The following ZYG11B variants were observed in gnomAD, a reference collection of about 807,000 sequenced individuals.
ZYG11B encodes protein zyg-11 homolog B.
ZYG11B carries 36 observed loss-of-function variants against 82.4 expected under a neutral mutation model. The observed-to-expected ratio is 0.44, with a 90% CI of 0.33 to 0.58. The LOEUF (loss-of-function observed/expected upper bound fraction) is 0.58, where lower values mean the gene tolerates loss of function less well. ZYG11B is among the 20% of genes least tolerant of loss of function. The probability of loss-of-function intolerance (pLI) is 0.02; values close to 1 mark genes in which losing one functional copy is unlikely to be tolerated. For synonymous variants in ZYG11B, 303 were observed against 312.8 expected, an observed-to-expected ratio of 0.97 and a Z score of 0.33; for missense variants, 552 against 895.6, an observed-to-expected ratio of 0.62 and a Z score of 4.90.
rs774775340 is a variant in ZYG11B at position 52,803,191 on chromosome 1, CATAT to C, written c.1695+1062_1695+1065del. On this transcript the variant is annotated intron_variant, in intron 10 of 13. Transcript: ENST00000294353. ...ATACACACATATATATATATATACA[CATAT>C]ATATATATACACACACATATATATA... Among the ~76,000 whole-genome samples, 10 of 69,250 alleles carry C rather than the reference CATAT, an allele frequency of 1.4e-4. 1 individual carries two copies. Among genetic ancestry groups the C allele is most frequent in the African/African-American group, 4.1e-4 (4 of 9,726 alleles). 45.4% of individuals were successfully genotyped at this position (69,250 alleles called of 152,430 possible).
chr1:52,772,130 T>C (rs761845998), intron 3 of ZYG11B: 1 of 1,060,904 alleles, frequency 9.4e-7, no homozygotes, highest in Non-Finnish European at 1.5e-6. Context: ...TATGGTTTTT[T>C]TGTTTTTGTT....
intron 4 of ZYG11B, among the ~76,000 whole-genome samples, chr1:52,783,885 T>TGTACATACACGTGTGTGTGTAG (rs1644884327): frequency 8.7e-6 from 1 of 114,686 alleles, no homozygotes. Flanking sequence ...TGTGTGTATA[T>TGTACATACACGTGTGTGTGTAG]GTACATACAC....
chr1:52,772,419 G>A, intron 3 of ZYG11B: 16 of 1,558,996 alleles, frequency 1.0e-5, no homozygotes, highest in Non-Finnish European at 1.4e-5. Context: ...AAGTCCCTTA[G>A]ACTTAAGAAT....
chr1:52,741,529 C>T (rs944947287), intron 1 of ZYG11B, among the ~76,000 whole-genome samples: 1 of 152,106 alleles, frequency 6.6e-6, no homozygotes, highest in Admixed American at 6.5e-5. Context: ...GTCTTTTTCT[C>T]TAGAGGCAAA....
chr1:52,738,491 T>A lies in ZYG11B; in HGVS notation c.30+11808T>A, dbSNP rs770646694. 7.2e-5 allele frequency among the ~76,000 whole-genome samples: 11 copies of A among 152,180 alleles called. No individual in the cohort carries two copies. The South Asian group carries it at 8.3e-4, about 11-fold the overall frequency. ...CCACTACACCTGGCCTTAATAGCTTTATATAAAGATCTTTTGTTTTTTCTG... is the reference window on the plus strand; with the variant it reads ...CCACTACACCTGGCCTTAATAGCTTAATATAAAGATCTTTTGTTTTTTCTG... On this transcript the variant is annotated intron_variant, in intron 1 of 13. Transcript: ENST00000294353.
intron 6 of ZYG11B, among the ~76,000 whole-genome samples, chr1:52,795,769 T>C (rs1645001623): frequency 6.6e-6 from 1 of 152,196 alleles, no homozygotes; most frequent in African/African-American, 2.4e-5. Context: ...ATACTATATA[T>C]TTTACGTATT....
At chr1:52,726,823 GC>G in intron 1 of ZYG11B, 140 bp downstream of exon 1, 1 of 783,384 alleles carries the variant, frequency 1.3e-6, no homozygotes, top group Non-Finnish European at 1.8e-6. Flanking sequence ...CCTCGTTACC[GC>G]CCCCTCGGTG....
intron 3 of ZYG11B, among the ~76,000 whole-genome samples, chr1:52,779,552 G>A (rs780968158): frequency 3.9e-5 from 6 of 152,026 alleles, no homozygotes; most frequent in African/African-American, 2.4e-5. Flanking sequence ...GTGCAGTGGC[G>A]TGATCTCAGC....
chr1:52,806,919 A>G (rs1645145806), intron 10 of ZYG11B, among the ~76,000 whole-genome samples: 1 of 151,626 alleles, frequency 6.6e-6, no homozygotes. Flanking sequence ...CCCAGGCTAG[A>G]GTGCAGTGGT....
Position 52,726,480 on chromosome 1 carries a change from GC to G in ZYG11B, c.-173del. The G allele has an allele frequency of 1.9e-6, 1 of 539,672 alleles. No individual in the cohort carries two copies. The highest frequency in any genetic ancestry group is 2.8e-6 in the Non-Finnish European group (1 of 354,960). The allele number at this position is 539,672 out of a possible 1,614,324, so 33.4% of individuals were successfully genotyped here. ...AGTCTGCGCTCTGGTTCGGGCTGCG[GC>G]TGCGGCTGCGGCTGCGGCTGCTACT... On this transcript the variant is annotated 5_prime_UTR_variant, in exon 1 of 14. Transcript: ENST00000294353.
rs368904794 is a variant in ZYG11B at position 52,774,545 on chromosome 1, G to C, written c.951+2771G>C. 1.6e-3 allele frequency among the ~76,000 whole-genome samples: 235 copies of C among 148,036 alleles called. 2 individuals carry two copies. Among genetic ancestry groups the C allele is most frequent in the African/African-American group, 5.6e-3 (222 of 39,660 alleles). On this transcript the variant is annotated intron_variant, in intron 3 of 13. Coordinates refer to ENST00000294353, the MANE Select transcript of ZYG11B (RefSeq NM_024646.3). ...CTAGTCTTGAACTCCTGACCCAGGT[G>C]ATCTGCCTGCCTCGGCCTCCTAAAG...
At chr1:52,759,569 T>C (rs947439517) in intron 2 of ZYG11B, among the ~76,000 whole-genome samples, 26 of 152,188 alleles carry the variant, frequency 1.7e-4, no homozygotes, top group Admixed American at 1.7e-3. Flanking sequence ...GAAAAATAAC[T>C]TGTTGTCCCT....
Position 52,825,673 on chromosome 1 carries a change from A to G in ZYG11B, c.*4044A>G, listed in dbSNP as rs1405967752. On this transcript the variant is annotated 3_prime_UTR_variant, in exon 14 of 14. Coordinates refer to ENST00000294353, the MANE Select transcript of ZYG11B (RefSeq NM_024646.3). ...TATGTTAAAAAAAAAAAAAAAAAAA[A>G]AGCGAGAGAGAGAGATGGTGTCTCA... 1.5e-5 allele frequency: 2 copies of G among 130,928 alleles called. No homozygotes were observed. The highest frequency in any genetic ancestry group is 2.7e-5 in the African/African-American group (1 of 36,850). 8.1% of individuals were successfully genotyped at this position (130,928 alleles called of 1,614,324 possible).
chr1:52,732,405 G>C (rs1644340137), intron 1 of ZYG11B, among the ~76,000 whole-genome samples: 2 of 152,234 alleles, frequency 1.3e-5, no homozygotes, highest in African/African-American at 4.8e-5. Flanking sequence ...ATTAACACTA[G>C]TGGCATTCTG....
intron 3 of ZYG11B, among the ~76,000 whole-genome samples, chr1:52,775,043 C>CT (rs71579946): frequency 0.086 from 12,516 of 145,406 alleles, 905 homozygotes; most frequent in African/African-American, 0.2. Context: ...CTTGAGATAC[C>CT]TTTTTTTTTT....
chr1:52,736,949 C>G (rs1047181049), intron 1 of ZYG11B, among the ~76,000 whole-genome samples: 1 of 151,904 alleles, frequency 6.6e-6, no homozygotes, highest in African/African-American at 2.4e-5. Context: ...ACTGCTTTAG[C>G]CTTATTTCTC....
At chr1:52,768,490 A>G (rs1644717919) in intron 2 of ZYG11B, among the ~76,000 whole-genome samples, 2 of 152,148 alleles carry the variant, frequency 1.3e-5, no homozygotes, top group Admixed American at 1.3e-4. Flanking sequence ...TTCAAGCAAT[A>G]TAGAAAGAAC....
chr1:52,726,507 G>A lies in ZYG11B; in HGVS notation c.-147G>A, dbSNP rs1407680671. The A allele has an allele frequency of 1.4e-6, 1 of 704,198 alleles. No homozygotes were observed. Among genetic ancestry groups the A allele is most frequent in the Non-Finnish European group, 2.0e-6 (1 of 500,044 alleles). The allele number at this position is 704,198 out of a possible 1,614,324, so 43.6% of individuals were successfully genotyped here. A position where few individuals can be genotyped will look rare whatever the true frequency, so the allele number is the denominator to read the frequency against. ...TGCGGCTGCGGCTGCGGCTGCTACT[G>A]CTACGCTCCTAGCTTGAGGGAAAGA... On this transcript the variant is annotated 5_prime_UTR_variant, in exon 1 of 14. Coordinates refer to ENST00000294353, the MANE Select transcript of ZYG11B (RefSeq NM_024646.3).
intron 3 of ZYG11B, chr1:52,772,768 C>T (rs1644766246): frequency 8.5e-6 from 5 of 585,712 alleles, no homozygotes; most frequent in Non-Finnish European, 1.5e-5. Flanking sequence ...AGCTCTGCCT[C>T]CCGGGTTCAC....
Sources: allele counts gnomAD v4.1 joint callset (sites outside exome capture counted in the v4.1 genomes callset), GRCh38; gene constraint gnomAD v4.1.1; transcripts MANE v1.5; gene names NCBI Gene and HGNC (gene_info 2026-07-23, HGNC 2026-07-21).